ZFYVE26: variants seen among roughly 807,000 people sequenced by gnomAD.
The protein encoded by ZFYVE26 is zinc finger FYVE domain-containing protein 26.
In ZFYVE26, 181 loss-of-function variants were observed where a neutral mutation model predicts 276.5. That is an observed-to-expected ratio of 0.65 (90% CI 0.58 to 0.74). The LOEUF is 0.74. ZFYVE26 is among the 30% of genes least tolerant of loss of function. ZFYVE26 has a pLI of 0.00. For synonymous variants in ZFYVE26, 1,129 were observed against 1,203.1 expected (o/e 0.94, Z 1.27); for missense variants, 2,821 against 3,097.9 (o/e 0.91, Z 2.12).
intron 10 of ZFYVE26, chr14:67,798,920 T>C (rs2040020154): frequency 2.9e-6 from 3 of 1,028,270 alleles, no homozygotes; most frequent in Non-Finnish European, 4.4e-6. Flanking sequence ...GGCGCTGAGC[T>C]CCGCTTGGCG....
At chr14:67,743,402 G>A (rs2038442129), downstream of ZFYVE26, among the ~76,000 whole-genome samples, 1 of 151,930 alleles carries the variant, frequency 6.6e-6, no homozygotes, top group Non-Finnish European at 1.5e-5. Context: ...GAGGTGGGAG[G>A]ATGGCTTGAG....
At chr14:67,761,306 G>T in intron 35 of ZFYVE26, 60 bp downstream of exon 35, 1 of 1,486,260 alleles carries the variant, frequency 6.7e-7, no homozygotes, top group Non-Finnish European at 9.2e-7. Flanking sequence ...TTAAGGCTGA[G>T]TGGTCCAAGC....
chr14:67,729,432 C>CG, exon 14 of ZFYVE26: 1 of 1,545,330 alleles, frequency 6.5e-7, no homozygotes, highest in Non-Finnish European at 8.8e-7. Flanking sequence ...TGGGAGGTGC[C>CG]GGACTCGCTG....
intron 31 of ZFYVE26, 41 bp downstream of exon 31, chr14:67,767,663 A>C (rs371469667): frequency 4.0e-5 from 64 of 1,613,790 alleles, no homozygotes; most frequent in Non-Finnish European, 5.2e-5. Context: ...GCTACACATC[A>C]TAAAGAAACT....
At chr14:67,756,324 TCTC>T in intron 35 of ZFYVE26, 179 bp from the exon 36 acceptor site, 1 of 706,636 alleles carries the variant, frequency 1.4e-6, no homozygotes. Flanking sequence ...GCTTCACTTC[TCTC>T]CTTCCTTTTA....
Position 67,747,641 on chromosome 14 carries a change from G to T in ZFYVE26, c.*795C>A, listed in dbSNP as rs1285944798. On this transcript the variant is annotated 3_prime_UTR_variant, in exon 42 of 42. Coordinates refer to ENST00000347230, the MANE Select transcript of ZFYVE26 (RefSeq NM_015346.4). Reference sequence around the variant, plus strand: ...GGCAGCTCTGTGCTTGTGAGCACCCGCTCCCCCCACCACCCCCCACCGCCT... The same window carrying T: ...GGCAGCTCTGTGCTTGTGAGCACCCTCTCCCCCCACCACCCCCCACCGCCT... The T allele has an allele frequency of 1.3e-5, 2 of 149,084 alleles. No individual in the cohort carries two copies. The highest frequency in any genetic ancestry group is 5.0e-5 in the African/African-American group (2 of 39,876). The allele number at this position is 149,084 out of a possible 1,614,324, so 9.2% of individuals were successfully genotyped here. A position where few individuals can be genotyped will look rare whatever the true frequency, so the allele number is the denominator to read the frequency against.
intron 12 of ZFYVE26, chr14:67,797,121 A>T (rs1189943728): frequency 6.3e-6 from 1 of 157,590 alleles, no homozygotes; most frequent in Non-Finnish European, 1.4e-5. Context: ...AGAAATCCAT[A>T]TTGGTCTACC....
intron 29 of ZFYVE26, 151 bp from the exon 30 acceptor site, chr14:67,768,699 T>C (rs1479759927): frequency 2.7e-6 from 2 of 744,590 alleles, no homozygotes; most frequent in East Asian, 2.7e-5. Context: ...CCCCCATCAA[T>C]ACTAACTGCC....
chr14:67,736,648 TACCTCAA>T (rs1183756785), intron 13 of ZFYVE26, among the ~76,000 whole-genome samples: 1 of 152,196 alleles, frequency 6.6e-6, no homozygotes, highest in Non-Finnish European at 1.5e-5. Flanking sequence ...CCAAAAAGCA[TACCTCAA>T]ACAAAGTTCA....
chr14:67,788,551 C>G (rs958116185), intron 16 of ZFYVE26, among the ~76,000 whole-genome samples: 1 of 152,204 alleles, frequency 6.6e-6, no homozygotes, highest in African/African-American at 2.4e-5. Flanking sequence ...GAAGCTTGCA[C>G]CTGGTTTCCT....
chr14:67,757,550 T>C (rs1029577634), intron 35 of ZFYVE26, among the ~76,000 whole-genome samples: 2 of 152,218 alleles, frequency 1.3e-5, no homozygotes, highest in Non-Finnish European at 2.9e-5. Context: ...CCTCCCTGTT[T>C]TATTTTTCTT....
At chr14:67,729,667 G>A (rs1175711821) in exon 14 of ZFYVE26, 3 of 592,714 alleles carry the variant, frequency 5.1e-6, no homozygotes, top group East Asian at 3.5e-5. Context: ...TGTTGGTTAT[G>A]CCATGGAGAT....
chr14:67,782,951 G>A lies in ZFYVE26; in HGVS notation c.4201C>T (p.Leu1401Phe), dbSNP rs1240129009. ...LCGWASLSTV[L>F]LGLHSPIALD... ...GCAATGGGAGAATGTAGGCCCAGGA[G>A]AACGGTAGAAAGACTGGCCCAACCA... Residue 1401 changes from leucine (L) to phenylalanine (F), a missense_variant, in exon 21 of 42, where the codon CTC becomes TTC. Physicochemically the swap from Leu to Phe is conservative, Grantham distance 22. Transcript: ENST00000347230. 3.7e-6 allele frequency: 6 copies of A among 1,614,214 alleles called. No individual in the cohort carries two copies. In the Admixed American group the frequency reaches 1.0e-4, roughly 27 times the overall value.
In ZFYVE26 at chr14:67,777,565, TCC is replaced by T; in HGVS notation, c.4966_4967del (p.Gly1656IlefsTer9). On this transcript the variant is annotated frameshift_variant, in exon 25 of 42. Transcript: ENST00000347230. LOFTEE classifies it high-confidence loss of function. ...TTTCACGGTGTATCCTTACCTTGGA[TCC>T]CACATACAGCGCCTGGATTTCACGG... ...RHREIQALYV[G>X]SKILLTLPEQ... is the part of the protein sequence containing the mutation. 6.2e-7 allele frequency: 1 copy of T among 1,613,988 alleles called. No individual in the cohort carries two copies. The highest frequency in any genetic ancestry group is 8.5e-7 in the Non-Finnish European group (1 of 1,180,024).
chr14:67,789,729 A>G (rs2039762007), intron 15 of ZFYVE26, 131 bp from the exon 16 acceptor site: 2 of 1,192,946 alleles, frequency 1.7e-6, no homozygotes, highest in Non-Finnish European at 2.4e-6. Flanking sequence ...GTATATTAGC[A>G]CTATCATTAT....
chr14:67,791,602 T>C (rs191082328), intron 14 of ZFYVE26, among the ~76,000 whole-genome samples: 278 of 151,514 alleles, frequency 1.8e-3, no homozygotes, highest in South Asian at 5.0e-3. Flanking sequence ...GATATTGTCG[T>C]ATATGTACAA....
At chr14:67,739,049 G>A (rs991122380) in intron 13 of ZFYVE26, among the ~76,000 whole-genome samples, 2 of 152,166 alleles carry the variant, frequency 1.3e-5, no homozygotes, top group Admixed American at 6.5e-5. Context: ...GCAACCGTGC[G>A]GATCACATTT....
At chr14:67,773,416 G>A (rs2039262240) in intron 27 of ZFYVE26, among the ~76,000 whole-genome samples, 3 of 151,852 alleles carry the variant, frequency 2.0e-5, no homozygotes. Flanking sequence ...CCAGGCAATG[G>A]TGGTGTGTGC....
rs1167171386 is a variant in ZFYVE26, at chr14:67,729,648, G to C, written n.2851C>G. 4 of 605,394 alleles carry C rather than the reference G, an allele frequency of 6.6e-6. No homozygotes were observed. In the Admixed American group the frequency reaches 7.6e-5, roughly 11 times the overall value. The allele number at this position is 605,394 out of a possible 1,614,324, so 37.5% of individuals were successfully genotyped here. On this transcript the variant is annotated non_coding_transcript_exon_variant, in exon 14 of 15. Transcript: ENST00000394455. ...CAGCTTTCTGAAAGCTTTTAAAGAA[G>C]ACTGTCGCTGTTGGTTATGCCATGG...
Sources: allele counts gnomAD v4.1 joint callset (sites outside exome capture counted in the v4.1 genomes callset), GRCh38; gene constraint gnomAD v4.1.1; transcripts MANE v1.5; gene names NCBI Gene and HGNC (gene_info 2026-07-23, HGNC 2026-07-21).